Variants in TAB1 observed in about 807,000 individuals in gnomAD.
The protein encoded by TAB1 is TGF-beta activated kinase 1 (MAP3K7) binding protein 1.
In TAB1, 30 loss-of-function variants were observed where a neutral mutation model predicts 54.5. The observed-to-expected ratio is 0.55, with a 90% CI of 0.41 to 0.75. The LOEUF is 0.75. TAB1 is among the 30% of genes least tolerant of loss of function. The pLI, the probability that TAB1 is intolerant of heterozygous loss-of-function variation, is 0.00. For missense variants in TAB1, 609 were observed against 683.2 expected, an observed-to-expected ratio of 0.89 and a Z score of 1.21; for synonymous variants, 289 against 286.9, an observed-to-expected ratio of 1.01 and a Z score of -0.07.
In TAB1 at chr22:39,431,662, AGGT is replaced by A; in HGVS notation, c.*1441_*1443del. 1 of 985,374 alleles carries A rather than the reference AGGT, an allele frequency of 1.0e-6. No homozygotes were observed. Among genetic ancestry groups the A allele is most frequent in the African/African-American group, 1.7e-5 (1 of 57,324 alleles). 61.0% of individuals were successfully genotyped at this position (985,374 alleles called of 1,614,324 possible). A position where few individuals can be genotyped will look rare whatever the true frequency, so the allele number is the denominator to read the frequency against. On this transcript the variant is annotated 3_prime_UTR_variant, in exon 11 of 11. Transcript: ENST00000216160. ...GCCACAGCAGAAATGGAAGAAAAAC[AGGT>A]CTCAGCCCAGGGTCCTCGCTCACTC...
At chr22:39,414,144 G>A (rs1162172210) in intron 1 of TAB1, among the ~76,000 whole-genome samples, 6 of 152,106 alleles carry the variant, frequency 3.9e-5, no homozygotes, top group Admixed American at 3.9e-4. Context: ...TACATGAGAG[G>A]GCCATCAGCC....
chr22:39,403,126 C>T (rs188116031), intron 1 of TAB1, among the ~76,000 whole-genome samples: 12 of 152,270 alleles, frequency 7.9e-5, no homozygotes, highest in African/African-American at 2.7e-4. Context: ...TGTCCCTGAG[C>T]ACTCACTATG....
chr22:39,433,831 G>T, downstream of TAB1: 1 of 985,300 alleles, frequency 1.0e-6, no homozygotes, highest in South Asian at 4.7e-5. Context: ...TTGTCCCTCA[G>T]GTCTTAGCAC....
chr22:39,406,847 A>C (rs1926388834), intron 1 of TAB1, among the ~76,000 whole-genome samples: 1 of 152,188 alleles, frequency 6.6e-6, no homozygotes, highest in African/African-American at 2.4e-5. Context: ...GTTAGCCAGG[A>C]TGGTCTCAAT....
intron 1 of TAB1, among the ~76,000 whole-genome samples, chr22:39,413,832 G>GT (rs1437004472): frequency 1.3e-5 from 2 of 152,198 alleles, no homozygotes; most frequent in African/African-American, 4.8e-5. Flanking sequence ...ACAAAGCGCA[G>GT]TTTTCAGGTG....
At chr22:39,404,838 A>G (rs1474700603) in intron 1 of TAB1, among the ~76,000 whole-genome samples, 1 of 152,152 alleles carries the variant, frequency 6.6e-6, no homozygotes, top group Non-Finnish European at 1.5e-5. Flanking sequence ...GACGACATGG[A>G]GAACCTTCAA....
At chr22:39,435,807 A>C (rs995598551), downstream of TAB1, among the ~76,000 whole-genome samples, 11 of 152,108 alleles carry the variant, frequency 7.2e-5, no homozygotes, top group African/African-American at 2.7e-4. Context: ...CCTTGGCTTG[A>C]TAGGAGGTGG....
At position 39,415,800 on chromosome 22, in the gene TAB1, G is replaced by C; in HGVS notation, c.324+147G>C. ...AGTAGAGGAGCAGCTCCCAGCGTAG[G>C]CCCCCCCACCCAACAGGAGTCCAGG... On this transcript the variant is annotated intron_variant, in intron 3 of 10. Transcript: ENST00000216160. This position sits in a 1 kb window ranked among gnomAD's most constrained non-coding sequence, Gnocchi z 4.9. 9.4e-7 allele frequency: 1 copy of C among 1,061,908 alleles called. No individual in the cohort carries two copies. Among genetic ancestry groups the C allele is most frequent in the Non-Finnish European group, 1.3e-6 (1 of 751,294 alleles). The allele number at this position is 1,061,908 out of a possible 1,614,324, so 65.8% of individuals were successfully genotyped here.
At chr22:39,426,021 C>G (rs1274000488) in intron 8 of TAB1, among the ~76,000 whole-genome samples, 1 of 151,888 alleles carries the variant, frequency 6.6e-6, no homozygotes, top group African/African-American at 2.4e-5. Context: ...CCATGCCCAG[C>G]TAATTTTTGT....
intron 7 of TAB1, among the ~76,000 whole-genome samples, chr22:39,419,999 G>A (rs1926999923): frequency 6.6e-6 from 1 of 152,192 alleles, no homozygotes; most frequent in Non-Finnish European, 1.5e-5. Flanking sequence ...GCAGCAACTA[G>A]TGCCACAAGG....
In TAB1 at chr22:39,415,449, C is replaced by A. The variant is rs781695419; in HGVS notation, c.171-51C>A. On this transcript the variant is annotated intron_variant, in intron 2 of 10. Transcript: ENST00000216160. The surrounding 1 kb of genome is among the most constrained non-coding windows in gnomAD (Gnocchi z 4.9). Reference sequence around the variant, plus strand: ...CAATTCCTTTCCCTTTCTCCCTCCACCTCCGTGAGACCCTGGTCTCAGGCC... The same window carrying A: ...CAATTCCTTTCCCTTTCTCCCTCCAACTCCGTGAGACCCTGGTCTCAGGCC... 6.3e-7 allele frequency: 1 copy of A among 1,593,636 alleles called. No individual in the cohort carries two copies. Among genetic ancestry groups the A allele is most frequent in the Non-Finnish European group, 8.6e-7 (1 of 1,163,338 alleles).
At chr22:39,406,136 A>G (rs889317243) in intron 1 of TAB1, among the ~76,000 whole-genome samples, 1 of 152,172 alleles carries the variant, frequency 6.6e-6, no homozygotes, top group Admixed American at 6.5e-5. Context: ...CTATAGCACA[A>G]TGGTTGCCAC....
chr22:39,406,332 G>A (rs968128394), intron 1 of TAB1, among the ~76,000 whole-genome samples: 19 of 144,922 alleles, frequency 1.3e-4, no homozygotes, highest in African/African-American at 4.9e-4. Context: ...TGGAGGGGCA[G>A]AGCTTGCAGT....
chr22:39,404,760 C>T (rs556808353), intron 1 of TAB1, among the ~76,000 whole-genome samples: 2 of 152,264 alleles, frequency 1.3e-5, no homozygotes, highest in South Asian at 4.1e-4. Context: ...AGCTGCTGCC[C>T]TAGCACATTG....
At chr22:39,436,738 TCCCTCACC>T, downstream of TAB1, 9 of 610,062 alleles carry the variant, frequency 1.5e-5, no homozygotes, top group South Asian at 7.8e-5. Flanking sequence ...CACTGAGGCT[TCCCTCACC>T]TAGAATGGCC....
chr22:39,431,484 GC>G lies in TAB1; in HGVS notation c.*1266del. 1 of 985,696 alleles carries G rather than the reference GC, an allele frequency of 1.0e-6. No homozygotes were observed. Among genetic ancestry groups the G allele is most frequent in the Non-Finnish European group, 1.2e-6 (1 of 830,134 alleles). 61.1% of individuals were successfully genotyped at this position (985,696 alleles called of 1,614,324 possible). ...ATCTCCCAGTCTCCCTGCCCCCCATGCCCCAGACCGGCCCACCAGGGACTAG... is the reference window on the plus strand; with the variant it reads ...ATCTCCCAGTCTCCCTGCCCCCCATGCCCAGACCGGCCCACCAGGGACTAG... On this transcript the variant is annotated 3_prime_UTR_variant, in exon 11 of 11. Transcript: ENST00000216160.
chr22:39,429,261 G>C (rs745514040), intron 10 of TAB1: 2 of 985,440 alleles, frequency 2.0e-6, no homozygotes, highest in Non-Finnish European at 2.4e-6. Context: ...TTGAAGGGGA[G>C]GGGGGCGAAG....
intron 1 of TAB1, 175 bp from the exon 2 acceptor site, chr22:39,414,831 G>A: frequency 1.5e-6 from 1 of 648,508 alleles, no homozygotes; most frequent in Non-Finnish European, 2.5e-6. Flanking sequence ...CATAAAAACA[G>A]CAAACCCTTC....
intron 7 of TAB1, among the ~76,000 whole-genome samples, chr22:39,421,475 G>A (rs1276859657): frequency 3.9e-5 from 6 of 152,178 alleles, no homozygotes; most frequent in Admixed American, 3.9e-4. Flanking sequence ...ATAATAGCAA[G>A]AGGCTTGGGC....
Sources: gnomAD v4.1 joint callset for allele counts (sites outside exome capture counted in the v4.1 genomes callset) on GRCh38, gnomAD v4.1.1 for gene constraint, Gnocchi (gnomAD v3.1) non-coding constraint, MANE v1.5 for transcripts, NCBI Gene and HGNC (gene_info 2026-07-23, HGNC 2026-07-21) for gene names.